STXBP5: variants seen among roughly 807,000 people sequenced by gnomAD.
STXBP5 encodes the protein syntaxin binding protein 5.
STXBP5 carries 50 observed loss-of-function variants against 152.4 expected under a neutral mutation model. That is an observed-to-expected ratio of 0.33 (90% CI 0.26 to 0.42). The LOEUF (loss-of-function observed/expected upper bound fraction) is 0.42, where lower values mean the gene tolerates loss of function less well. Among genes scored for constraint, STXBP5 ranks in the 10% least tolerant of loss-of-function variants. STXBP5 has a pLI of 1.00. For synonymous variants in STXBP5, 492 were observed against 494.7 expected, an observed-to-expected ratio of 0.99 and a Z score of 0.07; for missense variants, 1,167 against 1,388.6, an observed-to-expected ratio of 0.84 and a Z score of 2.54.
intron 2 of STXBP5, among the ~76,000 whole-genome samples, chr6:147,220,938 T>C (rs1777426974): frequency 6.6e-6 from 1 of 152,124 alleles, no homozygotes; most frequent in Non-Finnish European, 1.5e-5. Context: ...TTGTTTTTGT[T>C]TCTATTTTTG....
rs538312971 is a variant in STXBP5, at chr6:147,374,931, T to C, written c.3193+1089T>C. Among the ~76,000 whole-genome samples, 86 of 152,156 alleles carry C rather than the reference T, an allele frequency of 5.7e-4. 1 individual carries two copies. Among genetic ancestry groups the C allele is most frequent in the Non-Finnish European group, 9.1e-4 (62 of 68,026 alleles). Reference sequence around the variant, plus strand: ...ACCACACACACTCACAACTTTCAGCTCAGCTTCAAATATCTGGGTGGCCTG... The same window carrying C: ...ACCACACACACTCACAACTTTCAGCCCAGCTTCAAATATCTGGGTGGCCTG... On this transcript the variant is annotated intron_variant, in intron 26 of 27. Coordinates refer to ENST00000321680, the MANE Select transcript of STXBP5 (RefSeq NM_001127715.4).
intron 21 of STXBP5, among the ~76,000 whole-genome samples, chr6:147,353,122 G>A (rs1345782238): frequency 1.3e-5 from 2 of 152,110 alleles, no homozygotes; most frequent in Admixed American, 6.5e-5. Flanking sequence ...CAGCCTGGGC[G>A]ATTGAGTGAG....
chr6:147,279,896 A>G (rs1470387238), intron 8 of STXBP5, among the ~76,000 whole-genome samples: 3 of 152,192 alleles, frequency 2.0e-5, no homozygotes, highest in Non-Finnish European at 4.4e-5. Flanking sequence ...CCAGAAGAAA[A>G]TGAAACTCAT....
At chr6:147,238,405 A>G (rs1042444863) in intron 3 of STXBP5, among the ~76,000 whole-genome samples, 4 of 152,188 alleles carry the variant, frequency 2.6e-5, no homozygotes, top group African/African-American at 7.2e-5. Flanking sequence ...TCACAGAGGC[A>G]GATCTTTTAT....
chr6:147,376,620 C>G (rs914436576), intron 26 of STXBP5, among the ~76,000 whole-genome samples: 7 of 151,902 alleles, frequency 4.6e-5, no homozygotes, highest in African/African-American at 1.7e-4. Context: ...AGTTCGAGAC[C>G]AGCCTGGGCA....
Position 147,363,539 on chromosome 6 carries a change from T to C in STXBP5, c.2750T>C (p.Ile917Thr). 6 of 1,614,142 alleles carry C rather than the reference T, an allele frequency of 3.7e-6. No individual in the cohort carries two copies. The highest frequency in any genetic ancestry group is 5.1e-6 in the Non-Finnish European group (6 of 1,180,010). ...ATTAGTGAAAACCAGTATGCAGTGA[T>C]ATGTTCTGAAAAGCAAGCAAAAGTA... ...QEISENQYAV[I>T]CSEKQAKVIS... The change falls in exon 24 of 28, where the codon ATA becomes ACA. Residue 917 changes from isoleucine to threonine, a missense_variant. Around this residue, in one of 3 missense-constraint regions of STXBP5, gnomAD observed 833 missense variants for 986.3 expected, o/e 0.84. Transcript: ENST00000321680.
intron 21 of STXBP5, among the ~76,000 whole-genome samples, chr6:147,348,981 A>AAT (rs1784468352): frequency 6.6e-6 from 1 of 152,182 alleles, no homozygotes; most frequent in Admixed American, 6.6e-5. Flanking sequence ...TATGGGCATT[A>AAT]ATACTGACCT....
At chr6:147,253,444 A>C (rs924505420) in intron 4 of STXBP5, among the ~76,000 whole-genome samples, 1 of 152,226 alleles carries the variant, frequency 6.6e-6, no homozygotes, top group African/African-American at 2.4e-5. Context: ...TAGTATTGGA[A>C]GTTCTGGCCG....
chr6:147,298,126 A>G (rs1781622109), intron 9 of STXBP5, among the ~76,000 whole-genome samples: 1 of 152,120 alleles, frequency 6.6e-6, no homozygotes, highest in South Asian at 2.1e-4. Flanking sequence ...GTACAGATAC[A>G]CATAGACTGA....
intron 7 of STXBP5, among the ~76,000 whole-genome samples, chr6:147,267,508 T>G (rs1409983123): frequency 6.6e-6 from 1 of 152,140 alleles, no homozygotes; most frequent in Non-Finnish European, 1.5e-5. Context: ...TAATCCACTT[T>G]AAGAACCAGT....
chr6:147,333,508 A>AG (rs1426107785), intron 18 of STXBP5, among the ~76,000 whole-genome samples: 2 of 152,220 alleles, frequency 1.3e-5, no homozygotes, highest in African/African-American at 4.8e-5. Flanking sequence ...TGGGCGACAG[A>AG]GGGAAACTCC....
chr6:147,344,827 G>A (rs995547538), intron 21 of STXBP5, among the ~76,000 whole-genome samples: 1 of 152,100 alleles, frequency 6.6e-6, no homozygotes, highest in Non-Finnish European at 1.5e-5. Context: ...GTAATACCTT[G>A]TATTCGGTAC....
At chr6:147,324,889 A>G in intron 16 of STXBP5, 70 bp from the exon 17 acceptor site, 2 of 1,289,684 alleles carry the variant, frequency 1.6e-6, no homozygotes, top group Non-Finnish European at 2.0e-6. Flanking sequence ...TTCATATAAA[A>G]AGTTATTTAT....
Position 147,218,873 on chromosome 6 carries a change from A to G in STXBP5, c.248+12805A>G, listed in dbSNP as rs117863331. Reference sequence around the variant, plus strand: ...TCTGTTCATTCTTTCTGATAGCTGCATAGTTGATCATGTTATCAATGAACA... The same window carrying G: ...TCTGTTCATTCTTTCTGATAGCTGCGTAGTTGATCATGTTATCAATGAACA... On this transcript the variant is annotated intron_variant, in intron 2 of 27. Transcript: ENST00000321680. Among the ~76,000 whole-genome samples, 1,460 of 152,330 alleles carry G rather than the reference A, an allele frequency of 9.6e-3. 12 individuals carry two copies. Among genetic ancestry groups the G allele is most frequent in the Middle Eastern group, 0.027 (8 of 294 alleles).
chr6:147,267,824 G>C (rs1779968870), intron 7 of STXBP5, among the ~76,000 whole-genome samples: 1 of 152,036 alleles, frequency 6.6e-6, no homozygotes, highest in Non-Finnish European at 1.5e-5. Context: ...TGGAACCTTA[G>C]TGTCTATTTC....
intron 25 of STXBP5, among the ~76,000 whole-genome samples, chr6:147,367,859 A>C (rs1044699428): frequency 2.6e-5 from 4 of 152,154 alleles, no homozygotes; most frequent in Non-Finnish European, 5.9e-5. Flanking sequence ...TAGATATGAA[A>C]TGGATAAAAA....
chr6:147,335,987 A>G (rs772556560), intron 19 of STXBP5, among the ~76,000 whole-genome samples: 1 of 152,228 alleles, frequency 6.6e-6, no homozygotes, highest in Non-Finnish European at 1.5e-5. Context: ...CATGTTTGAA[A>G]TGCAAAGTAA....
chr6:147,342,583 A>G (rs1784142444), intron 21 of STXBP5, among the ~76,000 whole-genome samples: 2 of 152,148 alleles, frequency 1.3e-5, no homozygotes, highest in Non-Finnish European at 2.9e-5. Context: ...TATTAGTAAA[A>G]TCTTGATTAC....
intron 22 of STXBP5, among the ~76,000 whole-genome samples, chr6:147,356,618 A>C (rs1461663014): frequency 6.6e-6 from 1 of 152,052 alleles, no homozygotes; most frequent in African/African-American, 2.4e-5. Context: ...TACAGTTTAA[A>C]AAAATGATCC....
Sources: gnomAD v4.1 joint callset for allele counts (sites outside exome capture counted in the v4.1 genomes callset) on GRCh38, gnomAD v4.1.1 for gene constraint, gnomAD v4.1.1 regional missense constraint, MANE v1.5 for transcripts, NCBI Gene and HGNC (gene_info 2026-07-23, HGNC 2026-07-21) for gene names.